The following KIAA1549L variants were observed in gnomAD, a reference collection of about 807,000 sequenced individuals.
The protein encoded by KIAA1549L is UPF0606 protein KIAA1549L.
A neutral mutation model predicts 160.7 loss-of-function variants in KIAA1549L; 88 were observed. The observed-to-expected ratio is 0.55, with a 90% CI of 0.46 to 0.65. KIAA1549L has a LOEUF of 0.65. KIAA1549L is among the 30% of genes least tolerant of loss of function. The probability of loss-of-function intolerance (pLI) is 0.00; values close to 1 mark genes in which losing one functional copy is unlikely to be tolerated. For synonymous variants in KIAA1549L, 950 were observed against 976.7 expected (o/e 0.97, Z 0.51); for missense variants, 2,258 against 2,437.5 (o/e 0.93, Z 1.55).
At chr11:33,573,431 G>T (rs2133245291) in intron 9 of KIAA1549L, among the ~76,000 whole-genome samples, 1 of 152,116 alleles carries the variant, frequency 6.6e-6, no homozygotes, top group South Asian at 2.1e-4. Context: ...TTTATATTTT[G>T]TGATTTGTTC....
At chr11:33,558,172 C>T (rs144678871) in intron 6 of KIAA1549L, among the ~76,000 whole-genome samples, 1 of 152,058 alleles carries the variant, frequency 6.6e-6, no homozygotes, top group Non-Finnish European at 1.5e-5. Flanking sequence ...AATATGTGAA[C>T]ACCCAAAGGT....
chr11:33,385,647 T>G (rs908178499), intron 1 of KIAA1549L, among the ~76,000 whole-genome samples: 1 of 152,198 alleles, frequency 6.6e-6, no homozygotes, highest in African/African-American at 2.4e-5. Context: ...CTATACAGAT[T>G]TTAGTATCTT....
intron 1 of KIAA1549L, among the ~76,000 whole-genome samples, chr11:33,517,343 G>T (rs1302012833): frequency 6.6e-6 from 1 of 152,184 alleles, no homozygotes; most frequent in Non-Finnish European, 1.5e-5. Flanking sequence ...CTCTGTAGCT[G>T]GGGGAGCTGT....
At chr11:33,561,835 G>A (rs530434797) in intron 8 of KIAA1549L, 100 bp downstream of exon 8, 138 of 852,376 alleles carry the variant, frequency 1.6e-4, no homozygotes, top group Non-Finnish European at 1.4e-5. Flanking sequence ...ACTTTTCTTT[G>A]CTCCTGTCTT....
chr11:33,509,233 C>T (rs1853167703), intron 1 of KIAA1549L, among the ~76,000 whole-genome samples: 1 of 152,128 alleles, frequency 6.6e-6, no homozygotes, highest in African/African-American at 2.4e-5. Context: ...AAAGGCCAAA[C>T]CTTCCCTCCA....
intron 1 of KIAA1549L, among the ~76,000 whole-genome samples, chr11:33,430,266 C>G (rs1008014777): frequency 6.8e-6 from 1 of 147,920 alleles, no homozygotes; most frequent in Admixed American, 6.7e-5. Context: ...CCCTCCCTCC[C>G]TCTCTCCCTC....
At chr11:33,606,945 C>T in intron 14 of KIAA1549L, 123 bp downstream of exon 14, 3 of 744,358 alleles carry the variant, frequency 4.0e-6, no homozygotes, top group South Asian at 2.0e-5. Context: ...TCATTTTTAC[C>T]TCTGCATGTA....
chr11:33,503,611 A>G (rs116294186), intron 1 of KIAA1549L, among the ~76,000 whole-genome samples: 165 of 152,360 alleles, frequency 1.1e-3, no homozygotes, highest in African/African-American at 3.7e-3. Context: ...CATTTATCAC[A>G]TAAGTCTATT....
At chr11:33,488,565 A>G (rs913269189) in intron 1 of KIAA1549L, among the ~76,000 whole-genome samples, 6 of 152,172 alleles carry the variant, frequency 3.9e-5, no homozygotes, top group Non-Finnish European at 7.4e-5. Context: ...TCATTCAGTA[A>G]AACAACTATA....
In KIAA1549L at chr11:33,397,059, G is replaced by A. The variant is rs138196326; in HGVS notation, c.238+20170G>A. Among the ~76,000 whole-genome samples the A allele has an allele frequency of 8.6e-4, 130 of 151,834 alleles. 1 individual carries two copies. Among genetic ancestry groups the A allele is most frequent in the African/African-American group, 2.9e-3 (122 of 41,420 alleles). On this transcript the variant is annotated intron_variant, in intron 1 of 20. Coordinates refer to ENST00000658780, the MANE Select transcript of KIAA1549L (RefSeq NM_012194.3). The stretch of plus-strand genomic sequence containing the variant: ...AAAGTGAAAACGTTTTAGGTTGGGC[G>A]CGGTAGCTCACGCCTGCAATCCCAG...
intron 1 of KIAA1549L, among the ~76,000 whole-genome samples, chr11:33,440,385 C>T (rs1471663763): frequency 1.3e-5 from 2 of 151,966 alleles, no homozygotes; most frequent in Non-Finnish European, 2.9e-5. Context: ...CCGCCTCGGC[C>T]TCCCAAAGTG....
chr11:33,661,798 TA>T, intron 20 of KIAA1549L, among the ~76,000 whole-genome samples: 1 of 137,924 alleles, frequency 7.3e-6, no homozygotes. Context: ...GAGAATCACT[TA>T]AACCCAGGAG....
In KIAA1549L at chr11:33,614,551, TATATATATATATATATATATATATATA is replaced by T. The variant is rs1564924695; in HGVS notation, c.5280-3981_5280-3955del. On this transcript the variant is annotated intron_variant, in intron 15 of 20. Transcript: ENST00000658780. ...AACAAGATATATATATATATATATA[TATATATATATATATATATATATATATA>T]TATATATTTTTTTTTTTTTTTTTTT... 3.4e-3 allele frequency among the ~76,000 whole-genome samples: 46 copies of T among 13,698 alleles called. 4 individuals are homozygous for T. The highest frequency in any genetic ancestry group is 6.2e-3 in the African/African-American group (18 of 2,926). The allele number at this position is 13,698 out of a possible 152,430, so 9.0% of individuals were successfully genotyped here. A position where few individuals can be genotyped will look rare whatever the true frequency, so the allele number is the denominator to read the frequency against.
At position 33,574,891 on chromosome 11, in the gene KIAA1549L, T is replaced by C; in HGVS notation, c.4402+18T>C. On this transcript the variant is annotated intron_variant, in intron 10 of 20. Coordinates refer to ENST00000658780, the MANE Select transcript of KIAA1549L (RefSeq NM_012194.3). Reference sequence around the variant, plus strand: ...AGCTGACCGTAAGGGAATGGTCTTTTTATTCAGTCTTTTTAATGCCATTAA... The same window carrying C: ...AGCTGACCGTAAGGGAATGGTCTTTCTATTCAGTCTTTTTAATGCCATTAA... 6.2e-7 allele frequency: 1 copy of C among 1,602,584 alleles called. No individual in the cohort carries two copies. Among genetic ancestry groups the C allele is most frequent in the Non-Finnish European group, 8.5e-7 (1 of 1,172,420 alleles).
intron 1 of KIAA1549L, among the ~76,000 whole-genome samples, chr11:33,435,784 A>ATGTG (rs1180781136): frequency 0.039 from 801 of 20,642 alleles, 130 homozygotes; most frequent in African/African-American, 0.24. Context: ...ATATATATAT[A>ATGTG]TATATATATA....
chr11:33,600,171 T>C (rs577942309), intron 13 of KIAA1549L, among the ~76,000 whole-genome samples: 15 of 152,314 alleles, frequency 9.8e-5, no homozygotes, highest in African/African-American at 3.6e-4. Context: ...ATTTTGTCTT[T>C]CCCTGAATTC....
chr11:33,458,251 AT>A (rs1851870884), intron 1 of KIAA1549L, among the ~76,000 whole-genome samples: 1 of 152,238 alleles, frequency 6.6e-6, no homozygotes, highest in African/African-American at 2.4e-5. Flanking sequence ...TCATGAATGA[AT>A]CAATATCAAG....
At chr11:33,583,148 A>G (rs572601896) in intron 10 of KIAA1549L, among the ~76,000 whole-genome samples, 190 bp from the exon 11 acceptor site, 8 of 152,204 alleles carry the variant, frequency 5.3e-5, no homozygotes, top group African/African-American at 1.9e-4. Context: ...GGAAACTGAG[A>G]CTCAGGGAGC....
chr11:33,614,557 T>TCC (rs1850742676), intron 15 of KIAA1549L, among the ~76,000 whole-genome samples: 5 of 15,338 alleles, frequency 3.3e-4, no homozygotes, highest in South Asian at 3.5e-3. Flanking sequence ...TATATATATA[T>TCC]ATATATATAT....
Sources: allele counts gnomAD v4.1 joint callset (sites outside exome capture counted in the v4.1 genomes callset), GRCh38; gene constraint gnomAD v4.1.1; transcripts MANE v1.5; gene names NCBI Gene and HGNC (gene_info 2026-07-23, HGNC 2026-07-21).